Variants in KIRREL3 observed in about 807,000 individuals in gnomAD.
KIRREL3 encodes kirre like nephrin family adhesion molecule 3.
KIRREL3 carries 36 observed loss-of-function variants against 89.7 expected under a neutral mutation model. The observed-to-expected ratio is 0.40, with a 90% CI of 0.31 to 0.53. The LOEUF is 0.53. Ranked by LOEUF, KIRREL3 falls within the 20% of genes least tolerant of loss-of-function variation. The pLI is 0.49. For synonymous variants in KIRREL3, 445 were observed against 441.4 expected (o/e 1.01, Z -0.10); for missense variants, 864 against 1,056.6 (o/e 0.82, Z 2.53).
rs1489211901 is a variant in KIRREL3, at chr11:126,976,885, C to T, written c.55+23570G>A. Among the ~76,000 whole-genome samples the T allele has an allele frequency of 6.6e-6, 1 of 152,142 alleles. No homozygotes were observed. Among genetic ancestry groups the T allele is most frequent in the Non-Finnish European group, 1.5e-5 (1 of 68,026 alleles). On this transcript the variant is annotated intron_variant, in intron 1 of 16. Coordinates refer to ENST00000525144, the MANE Select transcript of KIRREL3 (RefSeq NM_032531.4). This position sits in a 1 kb window ranked among gnomAD's most constrained non-coding sequence, Gnocchi z 4.2. Reference sequence around the variant, plus strand: ...GATCTGGGTGACTCTAAACCACCAACTTGTATGATCTCTTCCTGTCACATC... The same window carrying T: ...GATCTGGGTGACTCTAAACCACCAATTTGTATGATCTCTTCCTGTCACATC...
Position 126,526,058 on chromosome 11 carries a change from A to T in KIRREL3, c.283+480T>A, listed in dbSNP as rs1011715336. 6.6e-6 allele frequency among the ~76,000 whole-genome samples: 1 copy of T among 152,130 alleles called. No individual in the cohort carries two copies. Among genetic ancestry groups the T allele is most frequent in the Non-Finnish European group, 1.5e-5 (1 of 68,042 alleles). ...ACTTCCTGTCTTTTCTTCCCATCTC[A>T]TGATGGCTCCTAAGATCAACTAGGT... On this transcript the variant is annotated intron_variant, in intron 3 of 16. Transcript: ENST00000525144. The surrounding 1 kb of genome is among the most constrained non-coding windows in gnomAD (Gnocchi z 5.7).
chr11:126,619,665 G>T (rs887400890), intron 1 of KIRREL3, among the ~76,000 whole-genome samples: 5 of 152,212 alleles, frequency 3.3e-5, no homozygotes, highest in Admixed American at 6.5e-5. Flanking sequence ...CATTGGCCAG[G>T]GTGCACTGGT....
rs1206316755 is a variant in KIRREL3 at position 126,578,217 on chromosome 11, C to A, written c.56-15305G>T. The stretch of plus-strand genomic sequence containing the variant: ...CTTTTCTTTTCCAAAATAAACAACC[C>A]TTAGGATGTTTCGGTCCTGGGATGC... On this transcript the variant is annotated intron_variant, in intron 1 of 16. Transcript: ENST00000525144. The surrounding 1 kb of genome is among the most constrained non-coding windows in gnomAD (Gnocchi z 4.9). 1.3e-5 allele frequency among the ~76,000 whole-genome samples: 2 copies of A among 152,140 alleles called. No homozygotes were observed. The highest frequency in any genetic ancestry group is 3.9e-4 in the East Asian group (2 of 5,190).
At chr11:126,793,620 A>G (rs1244971853) in intron 1 of KIRREL3, among the ~76,000 whole-genome samples, 2 of 152,244 alleles carry the variant, frequency 1.3e-5, no homozygotes, top group Admixed American at 1.3e-4. Context: ...CAAGGAGAGC[A>G]CAGGTCCTTC....
chr11:126,907,473 GA>G (rs1383120077), intron 1 of KIRREL3, among the ~76,000 whole-genome samples: 5 of 152,180 alleles, frequency 3.3e-5, no homozygotes, highest in Admixed American at 6.5e-5. Context: ...TGAGCTATAA[GA>G]AAAAGATGGC....
At chr11:126,440,279 A>G (rs1955510224) in intron 11 of KIRREL3, 170 bp downstream of exon 11, 1 of 714,892 alleles carries the variant, frequency 1.4e-6, no homozygotes, top group Non-Finnish European at 2.5e-6. Flanking sequence ...AAAGGCCTGC[A>G]ATTGTGTCTT....
chr11:126,926,193 C>T (rs183408748), intron 1 of KIRREL3, among the ~76,000 whole-genome samples: 69 of 152,282 alleles, frequency 4.5e-4, no homozygotes, highest in Non-Finnish European at 2.4e-4. Flanking sequence ...GGGTGGCAGA[C>T]GAAAACTTGG....
In KIRREL3 at chr11:126,970,255, T is replaced by G. The variant is rs372130835; in HGVS notation, c.55+30200A>C. 2.6e-5 allele frequency among the ~76,000 whole-genome samples: 4 copies of G among 152,248 alleles called. No individual in the cohort carries two copies. Among genetic ancestry groups the G allele is most frequent in the South Asian group, 4.1e-4 (2 of 4,834 alleles). On this transcript the variant is annotated intron_variant, in intron 1 of 16. Transcript: ENST00000525144. This position sits in a 1 kb window ranked among gnomAD's most constrained non-coding sequence, Gnocchi z 4.4. ...TTTTTACTCATTTCCTTTGGTTTCC[T>G]TTTTGTTTTTCTTAATTTGAGCTTT...
intron 1 of KIRREL3, among the ~76,000 whole-genome samples, chr11:126,862,098 A>T (rs1008268028): frequency 6.6e-5 from 10 of 152,204 alleles, no homozygotes; most frequent in Admixed American, 1.3e-4. Context: ...CAGGTGATGG[A>T]GGGAGGAAAT....
At position 126,876,034 on chromosome 11, in the gene KIRREL3, G is replaced by A. The variant is rs1454478031; in HGVS notation, c.55+124421C>T. Reference sequence around the variant, plus strand: ...AGGGAGTGCAGCATGGCACTGCTTGGCTTTGGTGATGGGAGGGGCACAGGA... The same window carrying A: ...AGGGAGTGCAGCATGGCACTGCTTGACTTTGGTGATGGGAGGGGCACAGGA... On this transcript the variant is annotated intron_variant, in intron 1 of 16. Coordinates refer to ENST00000525144, the MANE Select transcript of KIRREL3 (RefSeq NM_032531.4). This position sits in a 1 kb window ranked among gnomAD's most constrained non-coding sequence, Gnocchi z 4.1. Among the ~76,000 whole-genome samples, 2 of 152,174 alleles carry A rather than the reference G, an allele frequency of 1.3e-5. No individual in the cohort carries two copies. Among genetic ancestry groups the A allele is most frequent in the African/African-American group, 2.4e-5 (1 of 41,442 alleles).
chr11:126,698,916 T>G (rs1947205401), intron 1 of KIRREL3, among the ~76,000 whole-genome samples: 2 of 152,186 alleles, frequency 1.3e-5, no homozygotes, highest in African/African-American at 4.8e-5. Flanking sequence ...TCCCATTTGC[T>G]TGCTCCACGG....
chr11:126,706,065 G>C (rs1034412438), intron 1 of KIRREL3, among the ~76,000 whole-genome samples: 3 of 152,182 alleles, frequency 2.0e-5, no homozygotes, highest in Admixed American at 2.0e-4. Flanking sequence ...TGAACCACTA[G>C]GGCCTTCTAG....
At chr11:126,442,576 C>T (rs1331255033) in intron 10 of KIRREL3, among the ~76,000 whole-genome samples, 4 of 152,184 alleles carry the variant, frequency 2.6e-5, no homozygotes, top group Non-Finnish European at 4.4e-5. Flanking sequence ...AGGACTGCTG[C>T]GCTGGCCAGC....
At chr11:126,784,790 A>G (rs1950433990) in intron 1 of KIRREL3, among the ~76,000 whole-genome samples, 1 of 152,168 alleles carries the variant, frequency 6.6e-6, no homozygotes, top group African/African-American at 2.4e-5. Context: ...ACCCTCTATC[A>G]CCATTTTACT....
In KIRREL3 at chr11:126,551,408, A is replaced by G. The variant is rs1048868894; in HGVS notation, c.133+11427T>C. Among the ~76,000 whole-genome samples, 2 of 152,126 alleles carry G rather than the reference A, an allele frequency of 1.3e-5. No homozygotes were observed. Among genetic ancestry groups the G allele is most frequent in the African/African-American group, 2.4e-5 (1 of 41,434 alleles). On this transcript the variant is annotated intron_variant, in intron 2 of 16. Transcript: ENST00000525144. The surrounding 1 kb of genome is among the most constrained non-coding windows in gnomAD (Gnocchi z 4.9). ...GCCCCTGAGGCCTAACACACCCAAC[A>G]TATGGCAAAAGACTGTAGCAAGGGC...
rs1939444329 is a variant in KIRREL3 at position 126,553,432 on chromosome 11, C to T, written c.133+9403G>A. On this transcript the variant is annotated intron_variant, in intron 2 of 16. Transcript: ENST00000525144. This position sits in a 1 kb window ranked among gnomAD's most constrained non-coding sequence, Gnocchi z 4.7. ...CCCACTAGGGAATCTTCCACATAGC[C>T]ACTGGCAGTCTCTGTCTCTCTTGCT... 6.6e-6 allele frequency among the ~76,000 whole-genome samples: 1 copy of T among 152,200 alleles called. No individual in the cohort carries two copies. Among genetic ancestry groups the T allele is most frequent in the Admixed American group, 6.5e-5 (1 of 15,280 alleles).
At chr11:126,468,424 G>A (rs982255932) in intron 5 of KIRREL3, among the ~76,000 whole-genome samples, 4 of 152,242 alleles carry the variant, frequency 2.6e-5, no homozygotes, top group Non-Finnish European at 5.9e-5. Flanking sequence ...AGTGTGGCTC[G>A]CCCTGCACCC....
intron 1 of KIRREL3, among the ~76,000 whole-genome samples, chr11:126,794,289 A>G (rs1950735409): frequency 6.6e-6 from 1 of 152,222 alleles, no homozygotes; most frequent in South Asian, 2.1e-4. Context: ...AGATCATGCC[A>G]GCCTGGGCCA....
chr11:126,804,298 G>T (rs578201837), intron 1 of KIRREL3, among the ~76,000 whole-genome samples: 1 of 152,220 alleles, frequency 6.6e-6, no homozygotes, highest in African/African-American at 2.4e-5. Flanking sequence ...GGAGTGCAAA[G>T]TCTGAAGATG....
Sources: allele counts gnomAD v4.1 joint callset (sites outside exome capture counted in the v4.1 genomes callset), GRCh38; gene constraint gnomAD v4.1.1; non-coding constraint Gnocchi (gnomAD v3.1); transcripts MANE v1.5; gene names NCBI Gene and HGNC (gene_info 2026-07-23, HGNC 2026-07-21).